The following NXPH1 variants were observed in gnomAD, a reference collection of about 807,000 sequenced individuals.
The protein encoded by NXPH1 is neurexophilin 1, also known as neurexophilin-1.
Under a neutral mutation model 23.7 loss-of-function variants are expected in NXPH1, and 5 were observed. That is an observed-to-expected ratio of 0.21 (90% CI 0.11 to 0.44). The LOEUF is 0.44. NXPH1 is among the 20% of genes least tolerant of loss of function. The pLI is 0.99. For synonymous variants in NXPH1, 144 were observed against 122.2 expected (o/e 1.18, Z -1.18); for missense variants, 324 against 321.6 (o/e 1.01, Z -0.06).
intron 2 of NXPH1, among the ~76,000 whole-genome samples, chr7:8,570,653 A>T (rs1818626304): frequency 6.6e-6 from 1 of 151,928 alleles, no homozygotes; most frequent in South Asian, 2.1e-4. Context: ...AGAAGGAGTT[A>T]TGCAGGCAAA....
chr7:8,724,484 G>T (rs1226523588), intron 2 of NXPH1, among the ~76,000 whole-genome samples: 1 of 152,120 alleles, frequency 6.6e-6, no homozygotes, highest in East Asian at 1.9e-4. Flanking sequence ...TGCTAATAAT[G>T]AGTAAGCCAT....
chr7:8,720,244 GGTAATACCA>G (rs1387421305), intron 2 of NXPH1, among the ~76,000 whole-genome samples: 2 of 152,126 alleles, frequency 1.3e-5, no homozygotes, highest in Non-Finnish European at 2.9e-5. Context: ...CCTTTCATTT[GGTAATACCA>G]GTAATAGTAA....
At chr7:8,733,616 A>C (rs1255466623) in intron 2 of NXPH1, among the ~76,000 whole-genome samples, 2 of 151,720 alleles carry the variant, frequency 1.3e-5, no homozygotes, top group Non-Finnish European at 2.9e-5. Context: ...TTTAATTTGC[A>C]TTTCTCTAAT....
chr7:8,735,100 G>T (rs937348166), intron 2 of NXPH1, among the ~76,000 whole-genome samples: 2 of 152,156 alleles, frequency 1.3e-5, no homozygotes, highest in African/African-American at 4.8e-5. Context: ...GGGACAATTT[G>T]ACTTCCTCTC....
At chr7:8,455,157 A>G (rs1322293129) in intron 2 of NXPH1, among the ~76,000 whole-genome samples, 2 of 151,804 alleles carry the variant, frequency 1.3e-5, no homozygotes, top group Admixed American at 6.6e-5. Flanking sequence ...ATATGAATCA[A>G]TGAATTATTC....
intron 2 of NXPH1, among the ~76,000 whole-genome samples, chr7:8,601,069 AT>A (rs1420275687): frequency 6.6e-6 from 1 of 152,168 alleles, no homozygotes; most frequent in Non-Finnish European, 1.5e-5. Context: ...ATATTATGAC[AT>A]TTTATATCAG....
intron 2 of NXPH1, among the ~76,000 whole-genome samples, chr7:8,732,675 G>C (rs991499636): frequency 1.3e-5 from 2 of 152,034 alleles, no homozygotes; most frequent in Non-Finnish European, 2.9e-5. Context: ...CATGTACTCA[G>C]GGGTCCTTAG....
chr7:8,736,521 C>T (rs1182499439), intron 2 of NXPH1, among the ~76,000 whole-genome samples: 1 of 152,132 alleles, frequency 6.6e-6, no homozygotes, highest in African/African-American at 2.4e-5. Context: ...TGTTATTTTG[C>T]ATTTGCTCAG....
rs1279700886 is a variant in NXPH1 at position 8,751,593 on chromosome 7, C to T, written c.640C>T (p.Pro214Ser). The change falls in exon 3 of 3, where the codon CCT becomes TCT. Residue 214 changes from proline to serine, a missense_variant. Physicochemically the swap from Pro to Ser is moderately conservative, Grantham distance 74 (BLOSUM62 -1). Coordinates refer to ENST00000405863, the MANE Select transcript of NXPH1 (RefSeq NM_152745.3). This position sits in a 1 kb window ranked among gnomAD's most constrained non-coding sequence, Gnocchi z 4.5. The part of the protein sequence containing the change: ...ATKNTLCNYD[P>S]SKTCYQEQTQ... ...CAAGAACACACTCTGCAACTATGAC[C>T]CTTCAAAAACCTGTTACCAGGAGCA... is the stretch of plus-strand genomic sequence containing the variant. 6.2e-7 allele frequency: 1 copy of T among 1,613,336 alleles called. No individual in the cohort carries two copies. The highest frequency in any genetic ancestry group is 1.3e-5 in the African/African-American group (1 of 74,870).
chr7:8,557,530 TG>T (rs1169510759), intron 2 of NXPH1, among the ~76,000 whole-genome samples: 1 of 151,700 alleles, frequency 6.6e-6, no homozygotes, highest in Non-Finnish European at 1.5e-5. Flanking sequence ...TCTGGTTTCT[TG>T]GTTTGTAGAC....
chr7:8,588,351 G>T (rs1291660800), intron 2 of NXPH1, among the ~76,000 whole-genome samples: 1 of 152,196 alleles, frequency 6.6e-6, no homozygotes, highest in Non-Finnish European at 1.5e-5. Flanking sequence ...GATGCAAGTG[G>T]CAGACATAAC....
intron 2 of NXPH1, among the ~76,000 whole-genome samples, chr7:8,581,569 AACATCAGGGATT>A (rs1818873379): frequency 6.6e-6 from 1 of 152,200 alleles, no homozygotes; most frequent in South Asian, 2.1e-4. Context: ...CCCCTCCTCC[AACATCAGGGATT>A]ACAGTTCGAC....
At chr7:8,453,908 G>C (rs901330040) in intron 2 of NXPH1, among the ~76,000 whole-genome samples, 1 of 152,050 alleles carries the variant, frequency 6.6e-6, no homozygotes, top group African/African-American at 2.4e-5. Context: ...ATTTATAATA[G>C]AGTGATTTAT....
At chr7:8,706,907 A>T (rs1562460485) in intron 2 of NXPH1, among the ~76,000 whole-genome samples, 1 of 152,144 alleles carries the variant, frequency 6.6e-6, no homozygotes, top group South Asian at 2.1e-4. Context: ...GAATGGTGAG[A>T]GTGAGAAGGG....
chr7:8,739,357 C>A (rs766398526), intron 2 of NXPH1, among the ~76,000 whole-genome samples: 4 of 151,976 alleles, frequency 2.6e-5, no homozygotes, highest in Admixed American at 6.6e-5. Flanking sequence ...AATGCACCGT[C>A]CTTCAAGGCA....
chr7:8,675,657 C>T (rs1820940161), intron 2 of NXPH1, among the ~76,000 whole-genome samples: 1 of 152,182 alleles, frequency 6.6e-6, no homozygotes. Flanking sequence ...AGGGGAGCAC[C>T]TCGGACAGAT....
chr7:8,715,289 G>A (rs1779859074), intron 2 of NXPH1, among the ~76,000 whole-genome samples: 1 of 152,132 alleles, frequency 6.6e-6, no homozygotes, highest in Non-Finnish European at 1.5e-5. Flanking sequence ...ATACCACATG[G>A]CGAACTGCTG....
At chr7:8,506,458 TG>T (rs1418294533) in intron 2 of NXPH1, among the ~76,000 whole-genome samples, 5 of 152,262 alleles carry the variant, frequency 3.3e-5, no homozygotes, top group African/African-American at 1.2e-4. Context: ...GAGTGCAATT[TG>T]TAAGTTTATT....
At chr7:8,711,104 T>G (rs1779787656) in intron 2 of NXPH1, among the ~76,000 whole-genome samples, 1 of 152,228 alleles carries the variant, frequency 6.6e-6, no homozygotes, top group Non-Finnish European at 1.5e-5. Context: ...CCCTGGAGTA[T>G]TCCTACTAAA....
Sources: allele counts gnomAD v4.1 joint callset (sites outside exome capture counted in the v4.1 genomes callset), GRCh38; gene constraint gnomAD v4.1.1; non-coding constraint Gnocchi (gnomAD v3.1); transcripts MANE v1.5; gene names NCBI Gene and HGNC (gene_info 2026-07-23, HGNC 2026-07-21).